Variants in SPRY3 observed in about 807,000 individuals in gnomAD.
SPRY3 encodes sprouty RTK signaling antagonist 3, also known as protein sprouty homolog 3.
A neutral mutation model predicts 20.2 loss-of-function variants in SPRY3; 15 were observed. The ratio of observed to expected loss-of-function variants is 0.74; its 90% confidence interval spans 0.50 to 1.14. The LOEUF is 1.14. Ranked by LOEUF, SPRY3 falls within the 50% of genes most tolerant of loss-of-function variation. SPRY3 has a pLI of 0.00. For missense variants in SPRY3, 364 were observed against 363.9 expected (o/e 1.00, Z 0.00); for synonymous variants, 143 against 136.5 (o/e 1.05, Z -0.33).
At chrX:155,769,862 G>A (rs1361388852) in intron 3 of SPRY3, among the ~76,000 whole-genome samples, 2 of 152,192 alleles carry the variant, frequency 1.3e-5, no homozygotes, top group Non-Finnish European at 2.9e-5. Flanking sequence ...GTGGCAGAGA[G>A]GTTAGTAATG....
At chrX:155,643,499 T>G (rs2067948500) in intron 1 of SPRY3, among the ~76,000 whole-genome samples, 1 of 111,760 alleles carries the variant, frequency 8.9e-6, no homozygotes, top group African/African-American at 3.2e-5. Flanking sequence ...ACTGCCATAT[T>G]GTTATTTGTT....
chrX:155,660,833 A>G (rs1190042945), intron 2 of SPRY3, among the ~76,000 whole-genome samples: 2 of 109,481 alleles, frequency 1.8e-5, no homozygotes, highest in African/African-American at 3.3e-5. Context: ...TATCTGACAT[A>G]AGTAGAGGTG....
Position 155,632,385 on chromosome X carries a change from A to G in SPRY3, c.-441+19738A>G, listed in dbSNP as rs2067909493. Among the ~76,000 whole-genome samples, 5 of 111,493 alleles carry G rather than the reference A, an allele frequency of 4.5e-5. No homozygotes were observed. In the Admixed American group the frequency reaches 4.8e-4, roughly 11 times the overall value. The stretch of plus-strand genomic sequence containing the variant: ...AACAAACCATCCTCAAACTTGGAAG[A>G]TTAAAAAAAACATTTATTTAGATCA... On this transcript the variant is annotated intron_variant, in intron 1 of 3. Transcript: ENST00000675360.
chrX:155,711,797 TG>T (rs2090988797), intron 2 of SPRY3, among the ~76,000 whole-genome samples: 3 of 151,454 alleles, frequency 2.0e-5, no homozygotes, highest in Admixed American at 6.6e-5. Flanking sequence ...ATCTTTAGGT[TG>T]TTTTTTTGAA....
intron 1 of SPRY3, chrX:155,612,984 AG>A (rs1438473441): frequency 8.9e-6 from 1 of 112,472 alleles, no homozygotes; most frequent in Non-Finnish European, 1.9e-5. Flanking sequence ...CCGGCCGTGC[AG>A]GGTGGGTGCC....
At chrX:155,634,242 C>T (rs1407503570) in intron 1 of SPRY3, among the ~76,000 whole-genome samples, 1 of 111,321 alleles carries the variant, frequency 9.0e-6, no homozygotes, top group Non-Finnish European at 1.9e-5. Context: ...AGCAAGCCAT[C>T]CACCTGGTGA....
intron 2 of SPRY3, among the ~76,000 whole-genome samples, chrX:155,731,710 A>G (rs2091133831): frequency 6.6e-6 from 1 of 152,054 alleles, no homozygotes; most frequent in Admixed American, 6.6e-5. Flanking sequence ...AATGAACAAA[A>G]TGAAAAGACA....
chrX:155,711,753 G>A (rs1310827984), intron 2 of SPRY3, among the ~76,000 whole-genome samples: 1 of 149,388 alleles, frequency 6.7e-6, no homozygotes, highest in African/African-American at 2.4e-5. Context: ...TTTTGGGATC[G>A]GTTTGTTCTT....
At chrX:155,738,559 G>A (rs111297401) in intron 2 of SPRY3, among the ~76,000 whole-genome samples, 164 of 152,200 alleles carry the variant, frequency 1.1e-3, no homozygotes, top group African/African-American at 3.8e-3. Context: ...CAGATGGCTC[G>A]ACCCATGGAC....
intron 1 of SPRY3, among the ~76,000 whole-genome samples, chrX:155,644,857 G>T (rs1326057942): frequency 9.0e-6 from 1 of 111,015 alleles, no homozygotes; most frequent in East Asian, 2.9e-4. Context: ...GATACCTAAG[G>T]TGCAAGACAA....
chrX:155,698,819 C>T (rs182296846), intron 2 of SPRY3, among the ~76,000 whole-genome samples: 5 of 112,037 alleles, frequency 4.5e-5, no homozygotes, highest in East Asian at 2.8e-4. Context: ...CTGATTAATA[C>T]GGAATGGCTA....
At chrX:155,666,431 G>C (rs1039000371) in intron 2 of SPRY3, among the ~76,000 whole-genome samples, 1 of 111,013 alleles carries the variant, frequency 9.0e-6, no homozygotes, top group Non-Finnish European at 1.9e-5. Context: ...TTAAAACACT[G>C]CTCTGACTAC....
At chrX:155,778,022 T>C (rs1385604303), downstream of SPRY3, 1 of 167,006 alleles carries the variant, frequency 6.0e-6, no homozygotes, top group Non-Finnish European at 1.5e-5. Flanking sequence ...GCTCATTCAT[T>C]CCTCACAATT....
In SPRY3 at chrX:155,738,361, A is replaced by C. The variant is rs763953564; in HGVS notation, c.-281-29601A>C. 1.9e-3 allele frequency among the ~76,000 whole-genome samples: 287 copies of C among 152,292 alleles called. 2 individuals carry two copies. Among genetic ancestry groups the C allele is most frequent in the Non-Finnish European group, 3.7e-3 (252 of 68,022 alleles). ...GAACTCAACAGTAAAAAAAAAATCAAACAATCCAATTAGAAAGTGGTCAAA... is the reference window on the plus strand; with the variant it reads ...GAACTCAACAGTAAAAAAAAAATCACACAATCCAATTAGAAAGTGGTCAAA... On this transcript the variant is annotated intron_variant, in intron 2 of 3. Transcript: ENST00000675360.
chrX:155,704,545 A>AATTTTTGTTT (rs2090935575), intron 2 of SPRY3, among the ~76,000 whole-genome samples: 1 of 151,754 alleles, frequency 6.6e-6, no homozygotes, highest in Non-Finnish European at 1.5e-5. Flanking sequence ...AAATGTTCTA[A>AATTTTTGTTT]CATTCATGTA....
At chrX:155,640,860 TATC>T (rs782654980) in intron 1 of SPRY3, among the ~76,000 whole-genome samples, 8 of 111,932 alleles carry the variant, frequency 7.1e-5, no homozygotes, top group Non-Finnish European at 1.3e-4. Context: ...TTTAATATCG[TATC>T]ATCTGCAAAC....
At chrX:155,634,827 C>T (rs1221817280) in intron 1 of SPRY3, among the ~76,000 whole-genome samples, 2 of 107,006 alleles carry the variant, frequency 1.9e-5, no homozygotes, top group African/African-American at 6.8e-5. Flanking sequence ...TAACTTAGGG[C>T]TCCTGGGCCT....
At chrX:155,648,872 C>G (rs2067966899) in intron 1 of SPRY3, among the ~76,000 whole-genome samples, 1 of 110,657 alleles carries the variant, frequency 9.0e-6, no homozygotes, top group South Asian at 3.8e-4. Context: ...AGACCACTAG[C>G]CAGACTAATA....
At chrX:155,624,894 G>A (rs2067883382) in intron 1 of SPRY3, among the ~76,000 whole-genome samples, 1 of 111,383 alleles carries the variant, frequency 9.0e-6, no homozygotes, top group Non-Finnish European at 1.9e-5. Context: ...CGGAATAACA[G>A]ATAGAAATGG....
Sources: gnomAD v4.1 joint callset for allele counts (sites outside exome capture counted in the v4.1 genomes callset) on GRCh38, gnomAD v4.1.1 for gene constraint, MANE v1.5 for transcripts, NCBI Gene and HGNC (gene_info 2026-07-23, HGNC 2026-07-21) for gene names.